The following DYNLRB1 variants were observed in gnomAD, a reference collection of about 807,000 sequenced individuals.
DYNLRB1 encodes ROBL/LC7-like 1.
A neutral mutation model predicts 13.5 loss-of-function variants in DYNLRB1; 6 were observed. That is an observed-to-expected ratio of 0.44 (90% CI 0.24 to 0.88). The LOEUF (loss-of-function observed/expected upper bound fraction) is 0.88. Ranked by LOEUF, DYNLRB1 falls within the 40% of genes least tolerant of loss-of-function variation. DYNLRB1 has a pLI of 0.21. For missense variants in DYNLRB1, 93 were observed against 127.2 expected, an observed-to-expected ratio of 0.73 and a Z score of 1.29; for synonymous variants, 43 against 45.0, an observed-to-expected ratio of 0.96 and a Z score of 0.18.
At chr20:34,540,319 G>A (rs1448588945) in intron 3 of DYNLRB1, among the ~76,000 whole-genome samples, 1 of 152,204 alleles carries the variant, frequency 6.6e-6, no homozygotes, top group East Asian at 1.9e-4. Flanking sequence ...TGCCACTGTC[G>A]TGGGGAGGAT....
chr20:34,518,992 G>C lies in DYNLRB1; in HGVS notation c.3+2531G>C, dbSNP rs556534965. Among the ~76,000 whole-genome samples, 43 of 151,800 alleles carry C rather than the reference G, an allele frequency of 2.8e-4. No individual in the cohort carries two copies. The South Asian group carries it at 8.3e-3, about 29-fold the overall frequency. The stretch of plus-strand genomic sequence containing the variant: ...ACTGCAACCTCTGCCTCCCGGGTTC[G>C]AGTGATTCTCCTGCCTCAGCCTCCG... On this transcript the variant is annotated intron_variant, in intron 1 of 3. Coordinates refer to ENST00000357156, the MANE Select transcript of DYNLRB1 (RefSeq NM_014183.4).
upstream of DYNLRB1, chr20:34,516,262 C>G (rs1979152941): frequency 2.4e-5 from 20 of 850,732 alleles, no homozygotes; most frequent in South Asian, 3.0e-4. Context: ...TGCTCCTTAG[C>G]TTTTCGCTTT....
chr20:34,517,659 GTC>G (rs1416854473), intron 1 of DYNLRB1, among the ~76,000 whole-genome samples: 1 of 127,242 alleles, frequency 7.9e-6, no homozygotes, highest in Non-Finnish European at 1.6e-5. Flanking sequence ...GATGGAGTGT[GTC>G]TCTGTCGCTC....
chr20:34,530,130 TC>T, intron 2 of DYNLRB1: 6 of 1,227,506 alleles, frequency 4.9e-6, no homozygotes, highest in Non-Finnish European at 6.1e-6. Context: ...CCCCCAGGCT[TC>T]CACATGAACT....
Position 34,526,326 on chromosome 20 carries a change from T to C in DYNLRB1, c.62T>C (p.Ile21Thr). 6.2e-7 allele frequency: 1 copy of C among 1,614,032 alleles called. No homozygotes were observed. Among genetic ancestry groups the C allele is most frequent in the East Asian group, 2.2e-5 (1 of 44,882 alleles). ...AGCCAGAAGGGAGTGCAGGGAATCA[T>C]CGTCGTGAACACAGAAGGTACGCCC... is the stretch of plus-strand genomic sequence containing the variant. The part of the protein sequence containing the change: ...LQSQKGVQGI[I>T]VVNTEGIPIK... Residue 21 changes from isoleucine (I) to threonine (T), a missense_variant, in exon 2 of 4, where the codon ATC becomes ACC. By Grantham distance (89) the Ile-to-Thr change is moderately conservative. Coordinates refer to ENST00000357156, the MANE Select transcript of DYNLRB1 (RefSeq NM_014183.4).
chr20:34,534,906 A>T (rs1451820110), intron 3 of DYNLRB1, 111 bp downstream of exon 3: 12 of 1,559,506 alleles, frequency 7.7e-6, no homozygotes, highest in Non-Finnish European at 9.5e-6. Flanking sequence ...GCAGGGCCCG[A>T]GGAGTTGAAG....
chr20:34,529,494 C>G (rs529142561), intron 2 of DYNLRB1, among the ~76,000 whole-genome samples: 1 of 152,080 alleles, frequency 6.6e-6, no homozygotes, highest in Non-Finnish European at 1.5e-5. Context: ...TTTGGGAGGC[C>G]GAGGCGGGCG....
At chr20:34,530,333 C>G (rs757146563) in intron 2 of DYNLRB1, 40 of 971,618 alleles carry the variant, frequency 4.1e-5, no homozygotes, top group Non-Finnish European at 4.7e-5. Context: ...CTGGGCCCTA[C>G]TTAACTTATC....
intron 3 of DYNLRB1, chr20:34,535,058 GAT>G: frequency 1.5e-6 from 2 of 1,308,300 alleles, no homozygotes; most frequent in Non-Finnish European, 2.0e-6. Context: ...CCCCTTCCTT[GAT>G]AGGAGAAAAC....
upstream of DYNLRB1, among the ~76,000 whole-genome samples, chr20:34,515,693 T>G (rs1979113529): frequency 6.6e-6 from 1 of 152,090 alleles, no homozygotes; most frequent in South Asian, 2.1e-4. Flanking sequence ...CCGAAGCGCA[T>G]TTTGGCCCTG....
At chr20:34,540,029 G>C (rs1981456795) in intron 3 of DYNLRB1, among the ~76,000 whole-genome samples, 1 of 152,340 alleles carries the variant, frequency 6.6e-6, no homozygotes, top group Admixed American at 6.5e-5. Flanking sequence ...GTCCAGTGAA[G>C]TATGTCGGAA....
At position 34,536,086 on chromosome 20, in the gene DYNLRB1, G is replaced by C. The variant is rs1981121969; in HGVS notation, c.247+1291G>C. The C allele has an allele frequency of 6.1e-6, 6 of 985,442 alleles. No individual in the cohort carries two copies. The African/African-American group carries it at 7.0e-5, about 11-fold the overall frequency. 61.0% of individuals were successfully genotyped at this position (985,442 alleles called of 1,614,324 possible). ...GCTCCCTGGGACACTCCCTAGAGGG[G>C]TGGGGACAGAGCAGTTCAGTCACAG... On this transcript the variant is annotated intron_variant, in intron 3 of 3. Transcript: ENST00000357156.
chr20:34,522,466 T>TTAC (rs1395409285), intron 1 of DYNLRB1, among the ~76,000 whole-genome samples: 28 of 126,928 alleles, frequency 2.2e-4, no homozygotes, highest in African/African-American at 5.4e-4. Context: ...CTTTTTTCTT[T>TTAC]TTCTTTTTTT....
intron 2 of DYNLRB1, among the ~76,000 whole-genome samples, chr20:34,528,311 CAAAA>C (rs59104612): frequency 1.9e-4 from 1 of 5,204 alleles, no homozygotes; most frequent in East Asian, 4.0e-3. Context: ...GACTCCGTCT[CAAAA>C]AAAAAAAAAA....
intron 2 of DYNLRB1, among the ~76,000 whole-genome samples, chr20:34,531,638 T>A (rs1436894600): frequency 6.6e-6 from 1 of 152,210 alleles, no homozygotes; most frequent in Non-Finnish European, 1.5e-5. Context: ...CTTTGACCAC[T>A]CACTTACCAA....
intron 3 of DYNLRB1, among the ~76,000 whole-genome samples, chr20:34,538,184 T>C (rs1981319159): frequency 7.2e-6 from 1 of 139,208 alleles, no homozygotes; most frequent in Admixed American, 7.5e-5. Flanking sequence ...CCCAGGCTGG[T>C]GTCAAACTCC....
At chr20:34,530,364 A>C (rs1406139884) in intron 2 of DYNLRB1, 4 of 845,854 alleles carry the variant, frequency 4.7e-6, no homozygotes, top group Non-Finnish European at 5.7e-6. Context: ...TTTTGGGCAT[A>C]AGCCACTTTC....
In DYNLRB1 at chr20:34,540,601, G is replaced by A. The variant is rs768459439; in HGVS notation, c.268G>A (p.Val90Met). 1.9e-6 allele frequency: 3 copies of A among 1,613,452 alleles called. No homozygotes were observed. The highest frequency in any genetic ancestry group is 2.5e-6 in the Non-Finnish European group (3 of 1,179,820). Residue 90 changes from valine to methionine, a missense_variant, in exon 4 of 4, where the codon GTG (valine) becomes ATG (methionine). Val to Met is a conservative substitution (Grantham distance 21, BLOSUM62 1). Coordinates refer to ENST00000357156, the MANE Select transcript of DYNLRB1 (RefSeq NM_014183.4). ...TGCAGATAAAGACTATTTCCTGATT[G>A]TGATTCAGAATCCAACCGAATAAGC... ...VAPDKDYFLI[V>M]IQNPTE
At chr20:34,535,288 A>G (rs1981053622) in intron 3 of DYNLRB1, 2 of 985,310 alleles carry the variant, frequency 2.0e-6, no homozygotes, top group African/African-American at 3.5e-5. Context: ...CCTTGAAAAC[A>G]TGTTCTCTGC....
Sources: allele counts gnomAD v4.1 joint callset (sites outside exome capture counted in the v4.1 genomes callset), GRCh38; gene constraint gnomAD v4.1.1; transcripts MANE v1.5; gene names NCBI Gene and HGNC (gene_info 2026-07-23, HGNC 2026-07-21).